Variants in NKAIN2 observed in about 807,000 individuals in gnomAD.
NKAIN2 encodes sodium/potassium-transporting ATPase subunit beta-1-interacting protein 2.
Under a neutral mutation model 32.6 loss-of-function variants are expected in NKAIN2, and 14 were observed. That is an observed-to-expected ratio of 0.43 (90% confidence interval 0.28 to 0.67). The LOEUF (loss-of-function observed/expected upper bound fraction) is 0.67. Ranked by LOEUF, NKAIN2 falls within the 30% of genes least tolerant of loss-of-function variation. NKAIN2 has a pLI of 0.17. For missense variants in NKAIN2, 198 were observed against 258.3 expected, an observed-to-expected ratio of 0.77 and a Z score of 1.60; for synonymous variants, 80 against 87.2, an observed-to-expected ratio of 0.92 and a Z score of 0.46.
chr6:123,950,572 T>C (rs560895153), intron 1 of NKAIN2, among the ~76,000 whole-genome samples: 1 of 149,078 alleles, frequency 6.7e-6, no homozygotes, highest in African/African-American at 2.5e-5. Context: ...CTAGGTTTTC[T>C]AGTTTGTCAC....
intron 1 of NKAIN2, among the ~76,000 whole-genome samples, chr6:124,121,504 T>A (rs1785878810): frequency 6.6e-6 from 1 of 152,070 alleles, no homozygotes; most frequent in African/African-American, 2.4e-5. Context: ...ATAATACACA[T>A]CATTGATGCA....
chr6:123,815,528 T>A (rs949534645), intron 1 of NKAIN2, among the ~76,000 whole-genome samples: 4 of 152,324 alleles, frequency 2.6e-5, no homozygotes, highest in Admixed American at 2.0e-4. Flanking sequence ...TTTTGTTTGT[T>A]TTTAGCTTGT....
chr6:124,019,152 A>G (rs1428585393), intron 1 of NKAIN2, among the ~76,000 whole-genome samples: 1 of 152,118 alleles, frequency 6.6e-6, no homozygotes. Context: ...CACCCACATG[A>G]TTCAATTACC....
chr6:124,564,935 A>G (rs1339724913), intron 3 of NKAIN2, among the ~76,000 whole-genome samples: 4 of 150,672 alleles, frequency 2.7e-5, no homozygotes, highest in African/African-American at 4.9e-5. Context: ...TTCCCCTTCC[A>G]TTTTTTTTTC....
At chr6:123,869,190 A>G (rs1245821516) in intron 1 of NKAIN2, among the ~76,000 whole-genome samples, 2 of 152,160 alleles carry the variant, frequency 1.3e-5, no homozygotes, top group Non-Finnish European at 2.9e-5. Flanking sequence ...TTGTCATTAA[A>G]CTCAGTTACT....
chr6:124,300,842 T>G (rs1796262896), intron 2 of NKAIN2, among the ~76,000 whole-genome samples: 1 of 152,096 alleles, frequency 6.6e-6, no homozygotes, highest in South Asian at 2.1e-4. Context: ...CAGAAGAAAT[T>G]TCTAGGTGTC....
In NKAIN2 at chr6:124,417,352, A is replaced by C. The variant is rs1251626330; in HGVS notation, c.273+62005A>C. Reference sequence around the variant, plus strand: ...ACACTCAGTGGATGGACTCAAAAGCAGAATAGAGAAAACAGAAGGAAGAAT... The same window carrying C: ...ACACTCAGTGGATGGACTCAAAAGCCGAATAGAGAAAACAGAAGGAAGAAT... On this transcript the variant is annotated intron_variant, in intron 3 of 6. Coordinates refer to ENST00000368417, the MANE Select transcript of NKAIN2 (RefSeq NM_001040214.3). Among the ~76,000 whole-genome samples the C allele has an allele frequency of 5.3e-5, 8 of 152,234 alleles. No individual in the cohort carries two copies. The East Asian group carries it at 1.5e-3, about 29-fold the overall frequency.
chr6:124,469,723 C>T (rs1020701453), intron 3 of NKAIN2, among the ~76,000 whole-genome samples: 4 of 152,124 alleles, frequency 2.6e-5, no homozygotes, highest in African/African-American at 9.7e-5. Context: ...TGATCAGTTT[C>T]ACTGGGACAG....
At chr6:123,833,078 G>A (rs973971365) in intron 1 of NKAIN2, among the ~76,000 whole-genome samples, 2 of 152,100 alleles carry the variant, frequency 1.3e-5, no homozygotes, top group African/African-American at 4.8e-5. Context: ...GGAGCTTATA[G>A]TTTTGTGTTT....
chr6:124,724,972 C>T lies in NKAIN2; in HGVS notation c.475-66367C>T, dbSNP rs144665734. Among the ~76,000 whole-genome samples the T allele has an allele frequency of 4.9e-4, 74 of 152,282 alleles. 1 individual carries two copies. The highest frequency in any genetic ancestry group is 1.6e-3 in the African/African-American group (67 of 41,572). On this transcript the variant is annotated intron_variant, in intron 4 of 6. Transcript: ENST00000368417. ...TTTTATCCTCTTAAGGTCAAAGGAT[C>T]TCATAAAATTACAATGATTTCATGT...
At chr6:124,605,454 T>A (rs987398628) in intron 3 of NKAIN2, among the ~76,000 whole-genome samples, 1 of 152,078 alleles carries the variant, frequency 6.6e-6, no homozygotes, top group Non-Finnish European at 1.5e-5. Flanking sequence ...TATGAGACTA[T>A]GTACAATGAA....
intron 1 of NKAIN2, among the ~76,000 whole-genome samples, chr6:124,272,492 G>T (rs999026708): frequency 6.6e-6 from 1 of 152,210 alleles, no homozygotes; most frequent in African/African-American, 2.4e-5. Context: ...CAATTTCAGA[G>T]AATGTATGGA....
At chr6:124,356,746 G>A (rs955699958) in intron 3 of NKAIN2, among the ~76,000 whole-genome samples, 2 of 152,068 alleles carry the variant, frequency 1.3e-5, no homozygotes, top group African/African-American at 2.4e-5. Context: ...CTTTTCCAAG[G>A]ATTTGAATTC....
intron 3 of NKAIN2, among the ~76,000 whole-genome samples, chr6:124,642,002 C>A (rs1445587428): frequency 6.6e-6 from 1 of 152,126 alleles, no homozygotes; most frequent in Non-Finnish European, 1.5e-5. Context: ...CTGGAGTTAA[C>A]CCTAGCTATG....
At chr6:124,446,857 C>T (rs1183398191) in intron 3 of NKAIN2, among the ~76,000 whole-genome samples, 3 of 152,032 alleles carry the variant, frequency 2.0e-5, no homozygotes, top group Non-Finnish European at 2.9e-5. Context: ...CACAAGGGGA[C>T]ATTTCACAAG....
intron 1 of NKAIN2, among the ~76,000 whole-genome samples, chr6:123,921,771 C>T (rs763501833): frequency 2.0e-4 from 30 of 152,072 alleles, no homozygotes; most frequent in South Asian, 6.2e-4. Context: ...CTGGTGTTAG[C>T]ACTTTGTGAC....
At chr6:124,749,800 C>T (rs1294265026) in intron 4 of NKAIN2, among the ~76,000 whole-genome samples, 1 of 151,908 alleles carries the variant, frequency 6.6e-6, no homozygotes, top group Non-Finnish European at 1.5e-5. Flanking sequence ...TTTTGTTTGG[C>T]AAATCTGATT....
chr6:124,395,379 A>C (rs1007292736), intron 3 of NKAIN2, among the ~76,000 whole-genome samples: 1 of 152,154 alleles, frequency 6.6e-6, no homozygotes, highest in Non-Finnish European at 1.5e-5. Flanking sequence ...CATTTACCAA[A>C]TAGTGTATTC....
At chr6:123,935,859 C>G (rs1582806992) in intron 1 of NKAIN2, among the ~76,000 whole-genome samples, 2 of 151,992 alleles carry the variant, frequency 1.3e-5, no homozygotes, top group Middle Eastern at 6.8e-3. Flanking sequence ...TTTTCTTAGG[C>G]ATTTAAGGAG....
Sources: gnomAD v4.1 joint callset for allele counts (sites outside exome capture counted in the v4.1 genomes callset) on GRCh38, gnomAD v4.1.1 for gene constraint, MANE v1.5 for transcripts, NCBI Gene and HGNC (gene_info 2026-07-23, HGNC 2026-07-21) for gene names.